Variants in BTAF1 observed in about 807,000 individuals in gnomAD.
BTAF1 encodes the protein B-TFIID TATA-box binding protein associated factor 1.
BTAF1 carries 38 observed loss-of-function variants against 227.1 expected under a neutral mutation model. The ratio of observed to expected loss-of-function variants is 0.17; its 90% confidence interval spans 0.13 to 0.22. BTAF1 has a LOEUF of 0.22. BTAF1 is among the 10% of genes least tolerant of loss of function. BTAF1 has a pLI of 1.00. For synonymous variants in BTAF1, 742 were observed against 751.9 expected (o/e 0.99, Z 0.21); for missense variants, 1,598 against 2,204.0 (o/e 0.73, Z 5.51).
At chr10:91,966,580 G>GT in intron 13 of BTAF1, 57 bp from the exon 14 acceptor site, 5 of 1,560,626 alleles carry the variant, frequency 3.2e-6, no homozygotes, top group Non-Finnish European at 4.4e-6. Flanking sequence ...TTTAGATAAT[G>GT]TATCTACAGA....
chr10:91,960,593 T>TG lies in BTAF1; in HGVS notation c.1263+439_1263+440insG, dbSNP rs1846441146. ...TTTTACATAAACTGTCAGTGTTTTT[T>TG]TTTTTTTTTTAATCCTTTATGACAA... On this transcript the variant is annotated intron_variant, in intron 11 of 37. Transcript: ENST00000265990. 8.6e-5 allele frequency among the ~76,000 whole-genome samples: 13 copies of TG among 152,020 alleles called. No homozygotes were observed. The South Asian group carries it at 2.7e-3, about 32-fold the overall frequency.
chr10:92,023,767 C>G (rs1031584768), intron 34 of BTAF1, among the ~76,000 whole-genome samples: 1 of 152,056 alleles, frequency 6.6e-6, no homozygotes, highest in Non-Finnish European at 1.5e-5. Flanking sequence ...TCTCAAGTAG[C>G]TGGGACTACA....
At chr10:91,958,993 C>A in intron 8 of BTAF1, 72 bp from the exon 9 acceptor site, 1 of 1,350,958 alleles carries the variant, frequency 7.4e-7, no homozygotes, top group Non-Finnish European at 1.0e-6. Flanking sequence ...ATCCCTATTT[C>A]GTATAGAAGA....
intron 25 of BTAF1, among the ~76,000 whole-genome samples, chr10:92,003,011 G>A (rs1849649541): frequency 3.3e-5 from 5 of 152,102 alleles, no homozygotes; most frequent in Admixed American, 3.3e-4. Context: ...ACAAAAGTTA[G>A]CTGGGCATGG....
At chr10:91,926,427 C>T (rs1035675392) in intron 1 of BTAF1, among the ~76,000 whole-genome samples, 1 of 152,146 alleles carries the variant, frequency 6.6e-6, no homozygotes, top group African/African-American at 2.4e-5. Flanking sequence ...TGTTCTTTGA[C>T]TTCCCTTTTC....
Position 91,989,583 on chromosome 10 carries a change from A to G in BTAF1, c.2854+3A>G. On this transcript the variant is annotated splice_donor_region_variant and intron_variant, in intron 20 of 37. Transcript: ENST00000265990. ...AAGTGGCCAGGAAAATTCTAAAGGTATATACCTAAACTTTTATTTGGGGTA... is the reference window on the plus strand; with the variant it reads ...AAGTGGCCAGGAAAATTCTAAAGGTGTATACCTAAACTTTTATTTGGGGTA... The G allele has an allele frequency of 6.3e-7, 1 of 1,580,676 alleles. No homozygotes were observed. The highest frequency in any genetic ancestry group is 8.6e-7 in the Non-Finnish European group (1 of 1,167,654).
At chr10:91,999,080 A>AT (rs1849328687) in intron 25 of BTAF1, among the ~76,000 whole-genome samples, 1 of 150,502 alleles carries the variant, frequency 6.6e-6, no homozygotes, top group Non-Finnish European at 1.5e-5. Context: ...AAAAAAAAAA[A>AT]TTAAGTTATT....
intron 28 of BTAF1, 143 bp from the exon 29 acceptor site, chr10:92,010,930 T>C: frequency 6.1e-6 from 4 of 656,016 alleles, no homozygotes; most frequent in South Asian, 1.8e-5. Context: ...ATCAGAAGAG[T>C]AGCCCTTCAG....
chr10:91,963,260 T>C (rs542731402), intron 12 of BTAF1, among the ~76,000 whole-genome samples: 14 of 151,756 alleles, frequency 9.2e-5, no homozygotes, highest in African/African-American at 3.1e-4. Context: ...CACTGTGCCT[T>C]GGCTGATTTT....
Position 91,937,113 on chromosome 10 carries a change from G to A in BTAF1, c.138+1333G>A, listed in dbSNP as rs185283143. Reference sequence around the variant, plus strand: ...GGGTTCAGGCGATTCTCCTGCCTTAGCCTCCCGAGTAGCTGAGACTACAGG... The same window carrying A: ...GGGTTCAGGCGATTCTCCTGCCTTAACCTCCCGAGTAGCTGAGACTACAGG... On this transcript the variant is annotated intron_variant, in intron 2 of 37. Coordinates refer to ENST00000265990, the MANE Select transcript of BTAF1 (RefSeq NM_003972.3). Among the ~76,000 whole-genome samples the A allele has an allele frequency of 2.6e-5, 4 of 151,386 alleles. No individual in the cohort carries two copies. In the East Asian group the frequency reaches 5.9e-4, roughly 22 times the overall value.
chr10:91,924,139 A>G (rs1843666368), intron 1 of BTAF1, 49 bp downstream of exon 1: 6 of 1,598,242 alleles, frequency 3.8e-6, no homozygotes, highest in South Asian at 1.1e-5. Context: ...CAGGGAAGGC[A>G]TGGTCTCCTC....
chr10:92,010,094 A>G (rs1850193640), intron 28 of BTAF1, among the ~76,000 whole-genome samples: 1 of 149,128 alleles, frequency 6.7e-6, no homozygotes, highest in African/African-American at 2.6e-5. Flanking sequence ...GCAGGACTGA[A>G]AAAAAAACTA....
In BTAF1 at chr10:91,964,108, C is replaced by G. The variant is rs755888062; in HGVS notation, c.1436C>G (p.Ala479Gly). The G allele has an allele frequency of 1.2e-6, 2 of 1,613,386 alleles. No homozygotes were observed. The highest frequency in any genetic ancestry group is 2.2e-5 in the South Asian group (2 of 91,058). ...VPFIINTLWD[A>G]LLELDDLTAS... ...TTCATTATAAATACATTGTGGGATG[C>G]TCTTCTGGAATTAGATGATCTAACA... The change falls in exon 13 of 38, where the codon GCT becomes GGT. Residue 479 changes from alanine to glycine, a missense_variant. Physicochemically the swap from Ala to Gly is moderately conservative, Grantham distance 60. Around this residue, in one of 10 missense-constraint regions of BTAF1, gnomAD observed 318 missense variants for 435.0 expected, o/e 0.73. Transcript: ENST00000265990.
Position 91,959,544 on chromosome 10 carries a change from A to T in BTAF1, c.991-241A>T. Among the ~76,000 whole-genome samples, 2 of 151,818 alleles carry T rather than the reference A, an allele frequency of 1.3e-5. 1 individual carries two copies. Among genetic ancestry groups the T allele is most frequent in the East Asian group, 3.9e-4 (2 of 5,188 alleles). ...TGAATTGAATTAATGATCAAAGGGG[A>T]TATGAGATATGTTTAATATTAAAGA... On this transcript the variant is annotated intron_variant, in intron 9 of 37. Transcript: ENST00000265990.
chr10:91,953,763 C>T lies in BTAF1; in HGVS notation c.591C>T (p.Asp197=). ...QPTLQAAELI[D]SEFRAGMSNR... is the part of the protein sequence containing the mutation. ...CTCTTCAGGCAGCTGAATTGATTGACTCAGAGTTTCGAGCAGGAATGAGCA... is the reference window on the plus strand; with the variant it reads ...CTCTTCAGGCAGCTGAATTGATTGATTCAGAGTTTCGAGCAGGAATGAGCA... The change falls in exon 6 of 38, where the codon GAC becomes GAT. Residue 197 remains aspartate (D), a synonymous_variant. Coordinates refer to ENST00000265990, the MANE Select transcript of BTAF1 (RefSeq NM_003972.3). 1 of 1,613,952 alleles carries T rather than the reference C, an allele frequency of 6.2e-7. No individual in the cohort carries two copies. The highest frequency in any genetic ancestry group is 8.5e-7 in the Non-Finnish European group (1 of 1,179,920).
In BTAF1 at chr10:91,982,608, C is replaced by G. The variant is rs550298184; in HGVS notation, c.2070C>G (p.Cys690Trp). Reference protein sequence around the residue: ...MAAKLLGALCCCICDPGVNVV... With the variant: ...MAAKLLGALCWCICDPGVNVV... ...TTAGGTTGTTAGGAGCACTTTGTTG[C>G]TGTATTTGTGATCCAGGTGTAAATG... Residue 690 changes from cysteine (C) to tryptophan (W), a missense_variant, in exon 18 of 38, where the codon TGC (cysteine) becomes TGG (tryptophan). Cys to Trp is a radical substitution (Grantham distance 215). Coordinates refer to ENST00000265990, the MANE Select transcript of BTAF1 (RefSeq NM_003972.3). The G allele has an allele frequency of 5.8e-5, 93 of 1,613,326 alleles. No individual in the cohort carries two copies. The South Asian group carries it at 9.2e-4, about 16-fold the overall frequency.
intron 15 of BTAF1, among the ~76,000 whole-genome samples, chr10:91,981,030 A>G (rs1401971244): frequency 6.6e-6 from 1 of 152,084 alleles, no homozygotes; most frequent in Non-Finnish European, 1.5e-5. Context: ...ATGGGGGGAA[A>G]TGGCACTTTT....
At chr10:91,950,833 T>TA (rs1397880294) in intron 4 of BTAF1, among the ~76,000 whole-genome samples, 6 of 17,664 alleles carry the variant, frequency 3.4e-4, no homozygotes, top group African/African-American at 1.7e-3. Context: ...TAGAGATGTA[T>TA]TTTTTTTTTT....
chr10:91,987,221 C>T (rs188557478), intron 19 of BTAF1, among the ~76,000 whole-genome samples: 2 of 151,622 alleles, frequency 1.3e-5, no homozygotes, highest in East Asian at 1.9e-4. Flanking sequence ...CAGTGGCTCA[C>T]GCCTGTAATC....
Sources: gnomAD v4.1 joint callset for allele counts (sites outside exome capture counted in the v4.1 genomes callset) on GRCh38, gnomAD v4.1.1 for gene constraint, gnomAD v4.1.1 regional missense constraint, MANE v1.5 for transcripts, NCBI Gene and HGNC (gene_info 2026-07-23, HGNC 2026-07-21) for gene names.